Variants in CYFIP2 observed in about 807,000 individuals in gnomAD.
CYFIP2 encodes cytoplasmic FMR1-interacting protein 2.
CYFIP2 carries 29 observed loss-of-function variants against 158.7 expected under a neutral mutation model. The observed-to-expected ratio is 0.18, with a 90% CI of 0.14 to 0.25. The LOEUF (loss-of-function observed/expected upper bound fraction) is 0.25. CYFIP2 is among the 10% of genes least tolerant of loss of function. The pLI is 1.00. For missense variants in CYFIP2, 852 were observed against 1,639.5 expected (o/e 0.52, Z 8.29); for synonymous variants, 585 against 617.6 (o/e 0.95, Z 0.78).
At position 157,300,014 on chromosome 5, in the gene CYFIP2, C is replaced by A. The variant is rs1758606519; in HGVS notation, c.388-701C>A. ...CTCTACCCCGGGACCTAGAATGGTGCCTGGCACATAGTAGATGGCTATTAA... is the reference window on the plus strand; with the variant it reads ...CTCTACCCCGGGACCTAGAATGGTGACTGGCACATAGTAGATGGCTATTAA... On this transcript the variant is annotated intron_variant, in intron 5 of 30. Coordinates refer to ENST00000620254, the MANE Select transcript of CYFIP2 (RefSeq NM_001037333.3). Among the ~76,000 whole-genome samples the A allele has an allele frequency of 3.9e-5, 6 of 152,184 alleles. No homozygotes were observed. The South Asian group carries it at 1.2e-3, about 32-fold the overall frequency.
At chr5:157,340,878 T>C (rs1561744790) in intron 22 of CYFIP2, among the ~76,000 whole-genome samples, 192 bp from the exon 23 acceptor site, 1 of 152,178 alleles carries the variant, frequency 6.6e-6, no homozygotes, top group Admixed American at 6.5e-5. Context: ...TTCCCATCTA[T>C]AGAAAGGAGA....
At chr5:157,318,878 G>A (rs1760362939) in intron 13 of CYFIP2, among the ~76,000 whole-genome samples, 1 of 152,200 alleles carries the variant, frequency 6.6e-6, no homozygotes, top group Admixed American at 6.5e-5. Flanking sequence ...GAGGCCAATG[G>A]AGTCAAAGGC....
chr5:157,297,764 A>G (rs1335432812), intron 5 of CYFIP2, among the ~76,000 whole-genome samples: 1 of 152,240 alleles, frequency 6.6e-6, no homozygotes, highest in Non-Finnish European at 1.5e-5. Flanking sequence ...AACATGAAAA[A>G]CATAAAGATT....
chr5:157,269,874 G>C (rs1755937922), intron 1 of CYFIP2, among the ~76,000 whole-genome samples: 1 of 152,328 alleles, frequency 6.6e-6, no homozygotes, highest in South Asian at 2.1e-4. Flanking sequence ...CGCCTCCCAG[G>C]ATGCAAAGAG....
intron 5 of CYFIP2, among the ~76,000 whole-genome samples, chr5:157,300,372 T>G (rs1758638006): frequency 6.6e-6 from 1 of 151,444 alleles, no homozygotes. Context: ...CCGTCTCTAC[T>G]AAAAATAGAA....
chr5:157,288,590 A>C (rs974179894), intron 3 of CYFIP2: 1 of 455,978 alleles, frequency 2.2e-6, no homozygotes, highest in Non-Finnish European at 4.4e-6. Flanking sequence ...CTTACCATTT[A>C]TCGAATGCTT....
At position 157,320,579 on chromosome 5, in the gene CYFIP2, GC is replaced by G. The variant is rs1268439770; in HGVS notation, c.1524-73del. On this transcript the variant is annotated intron_variant, in intron 14 of 30. Coordinates refer to ENST00000620254, the MANE Select transcript of CYFIP2 (RefSeq NM_001037333.3). ...TGTGGGTGTTCCTGGGACACCACGGGCCCTAGAAACACAAGCTTGTAGTGAC... is the reference window on the plus strand; with the variant it reads ...TGTGGGTGTTCCTGGGACACCACGGGCCTAGAAACACAAGCTTGTAGTGAC... The G allele has an allele frequency of 1.9e-6, 3 of 1,587,050 alleles. No individual in the cohort carries two copies. The Admixed American group carries it at 5.2e-5, about 27-fold the overall frequency.
chr5:157,383,571 AT>A, intron 28 of CYFIP2: 1 of 488,742 alleles, frequency 2.0e-6, no homozygotes, highest in South Asian at 3.0e-5. Context: ...TGTAGCCTGT[AT>A]CATGTATCCT....
At chr5:157,276,546 A>G (rs73302149) in intron 1 of CYFIP2, among the ~76,000 whole-genome samples, 2,150 of 152,282 alleles carry the variant, frequency 0.014, 71 homozygotes, top group African/African-American at 0.049. Context: ...ACTAACTTTT[A>G]TCGAGCACTT....
Position 157,304,485 on chromosome 5 carries a change from A to T in CYFIP2, c.795+119A>T, listed in dbSNP as rs929954254. The T allele has an allele frequency of 3.6e-5, 43 of 1,184,656 alleles. No individual in the cohort carries two copies. In the Admixed American group the frequency reaches 9.8e-4, roughly 27 times the overall value. The allele number at this position is 1,184,656 out of a possible 1,614,324, so 73.4% of individuals were successfully genotyped here. On this transcript the variant is annotated intron_variant, in intron 8 of 30. Coordinates refer to ENST00000620254, the MANE Select transcript of CYFIP2 (RefSeq NM_001037333.3). ...TTTCTTAAACATTGATACAGATCTT[A>T]CGGCACATAATGGTTTGTAACCTGT...
At chr5:157,321,643 GACCTTTAAGCCTC>G (rs1165632145) in intron 15 of CYFIP2, among the ~76,000 whole-genome samples, 1 of 152,192 alleles carries the variant, frequency 6.6e-6, no homozygotes, top group Non-Finnish European at 1.5e-5. Flanking sequence ...CACTTCCCAT[GACCTTTAAGCCTC>G]TCTCTGTTCT....
In CYFIP2 at chr5:157,389,346, A is replaced by T; in HGVS notation, c.3365A>T (p.Glu1122Val). The stretch of plus-strand genomic sequence containing the variant: ...ACCAATGGCGTCATGCACGTCGATG[A>T]GTGTGTGGAGTTCCACCGGCTGTGG... ...PPTNGVMHVD[E>V]CVEFHRLWSA... The change falls in exon 29 of 31, where the codon GAG becomes GTG. Residue 1122 changes from glutamate (E) to valine (V), a missense_variant. Physicochemically the swap from Glu to Val is moderately radical, Grantham distance 121. Coordinates refer to ENST00000620254, the MANE Select transcript of CYFIP2 (RefSeq NM_001037333.3). 2 of 1,613,834 alleles carry T rather than the reference A, an allele frequency of 1.2e-6. No individual in the cohort carries two copies. The highest frequency in any genetic ancestry group is 1.7e-6 in the Non-Finnish European group (2 of 1,179,784).
rs1474526056 is a variant in CYFIP2, at chr5:157,394,813, A to G, written c.*1813A>G. 1 of 152,238 alleles carries G rather than the reference A, an allele frequency of 6.6e-6. No individual in the cohort carries two copies. The highest frequency in any genetic ancestry group is 2.4e-5 in the African/African-American group (1 of 41,450). 9.4% of individuals were successfully genotyped at this position (152,238 alleles called of 1,614,324 possible). On this transcript the variant is annotated 3_prime_UTR_variant, in exon 31 of 31. Transcript: ENST00000620254. ...CTCCTGTCTGGAGGTACCACCTTCT[A>G]TTCTGGTTTCTGACTTTTCCTTCTT...
At chr5:157,335,768 T>C (rs1046978401) in intron 21 of CYFIP2, among the ~76,000 whole-genome samples, 2 of 152,188 alleles carry the variant, frequency 1.3e-5, no homozygotes, top group Non-Finnish European at 2.9e-5. Context: ...TTATTCTTTA[T>C]GCCAAATGGT....
chr5:157,358,911 T>C, intron 23 of CYFIP2, 94 bp from the exon 24 acceptor site: 1 of 1,517,324 alleles, frequency 6.6e-7, no homozygotes, highest in South Asian at 1.2e-5. Flanking sequence ...TAACACTGGG[T>C]TCCTAATGCT....
Position 157,311,536 on chromosome 5 carries a change from G to A in CYFIP2, c.993-128G>A. 1.4e-6 allele frequency: 1 copy of A among 723,504 alleles called. No homozygotes were observed. Among genetic ancestry groups the A allele is most frequent in the Admixed American group, 2.7e-5 (1 of 36,732 alleles). 44.8% of individuals were successfully genotyped at this position (723,504 alleles called of 1,614,324 possible). A position where few individuals can be genotyped will look rare whatever the true frequency, so the allele number is the denominator to read the frequency against. On this transcript the variant is annotated intron_variant, in intron 10 of 30. Transcript: ENST00000620254. This position sits in a 1 kb window ranked among gnomAD's most constrained non-coding sequence, Gnocchi z 4.7. ...CTTAGCAGGCTTTCTTGCTGAGGCGGCTGGGATACCATTTGGTGTCACCCA... is the reference window on the plus strand; with the variant it reads ...CTTAGCAGGCTTTCTTGCTGAGGCGACTGGGATACCATTTGGTGTCACCCA...
intron 26 of CYFIP2, among the ~76,000 whole-genome samples, chr5:157,375,288 T>C (rs972828717): frequency 2.0e-5 from 3 of 152,196 alleles, no homozygotes; most frequent in African/African-American, 7.2e-5. Flanking sequence ...ATAAGAAGTA[T>C]TGCTCTATTA....
intron 20 of CYFIP2, 143 bp downstream of exon 20, chr5:157,330,993 G>A: frequency 3.1e-6 from 2 of 642,492 alleles, no homozygotes; most frequent in South Asian, 3.8e-5. Flanking sequence ...GTGTAGCACA[G>A]CCTCAGGATC....
intron 27 of CYFIP2, 91 bp from the exon 28 acceptor site, chr5:157,383,174 G>A (rs1185355690): frequency 9.0e-7 from 1 of 1,108,944 alleles, no homozygotes; most frequent in African/African-American, 1.5e-5. Context: ...TTGGAATGCA[G>A]ATACATCATC....
Sources: allele counts gnomAD v4.1 joint callset (sites outside exome capture counted in the v4.1 genomes callset), GRCh38; gene constraint gnomAD v4.1.1; non-coding constraint Gnocchi (gnomAD v3.1); transcripts MANE v1.5; gene names NCBI Gene and HGNC (gene_info 2026-07-23, HGNC 2026-07-21).